The following AGAP1 variants were observed in gnomAD, a reference collection of about 807,000 sequenced individuals.
AGAP1 encodes the protein ArfGAP with GTPase domain, ankyrin repeat and PH domain 1, also known as arf-GAP with GTPase, ANK repeat and PH domain-containing protein 1.
Under a neutral mutation model 105.3 loss-of-function variants are expected in AGAP1, and 29 were observed. That is an observed-to-expected ratio of 0.28 (90% CI 0.21 to 0.38). The LOEUF is 0.38. AGAP1 is among the 10% of genes least tolerant of loss of function. The pLI is 1.00. For missense variants in AGAP1, 998 were observed against 1,165.1 expected (o/e 0.86, Z 2.09); for synonymous variants, 509 against 485.9 (o/e 1.05, Z -0.63).
At chr2:236,074,117 T>C (rs2058576246) in intron 16 of AGAP1, among the ~76,000 whole-genome samples, 1 of 152,006 alleles carries the variant, frequency 6.6e-6, no homozygotes, top group Admixed American at 6.6e-5. Context: ...GAGAGGTTTC[T>C]CCATTGCATA....
chr2:235,710,790 G>C (rs1299668199), intron 2 of AGAP1, among the ~76,000 whole-genome samples: 2 of 152,140 alleles, frequency 1.3e-5, no homozygotes, highest in Non-Finnish European at 2.9e-5. Flanking sequence ...GTTACTTCCT[G>C]TTAAGACAGC....
intron 13 of AGAP1, among the ~76,000 whole-genome samples, chr2:236,026,773 G>C (rs2057069047): frequency 6.6e-6 from 1 of 152,236 alleles, no homozygotes; most frequent in Non-Finnish European, 1.5e-5. Flanking sequence ...ACAAACTGTT[G>C]AGGGATTTCT....
chr2:235,701,125 T>C lies in AGAP1; in HGVS notation c.164-8054T>C, dbSNP rs1950239561. On this transcript the variant is annotated intron_variant, in intron 1 of 17. Coordinates refer to ENST00000304032, the MANE Select transcript of AGAP1 (RefSeq NM_001037131.3). The surrounding 1 kb of genome is among the most constrained non-coding windows in gnomAD (Gnocchi z 4.1). ...AATATAGTTATATGTACATATTATATATTATGTATATATGATATGCTCTAT... is the reference window on the plus strand; with the variant it reads ...AATATAGTTATATGTACATATTATACATTATGTATATATGATATGCTCTAT... Among the ~76,000 whole-genome samples, 1 of 148,036 alleles carries C rather than the reference T, an allele frequency of 6.8e-6. No individual in the cohort carries two copies. The highest frequency in any genetic ancestry group is 1.5e-5 in the Non-Finnish European group (1 of 67,302).
Position 235,882,772 on chromosome 2 carries a change from G to A in AGAP1, c.1051-573G>A, listed in dbSNP as rs530559238. ...TTACAGGCGTGAGCCACCGTGCCCGGCCTGGTTAATGCAGTTTTTTTAGTT... is the reference window on the plus strand; with the variant it reads ...TTACAGGCGTGAGCCACCGTGCCCGACCTGGTTAATGCAGTTTTTTTAGTT... On this transcript the variant is annotated intron_variant, in intron 9 of 17. Coordinates refer to ENST00000304032, the MANE Select transcript of AGAP1 (RefSeq NM_001037131.3). The surrounding 1 kb of genome is among the most constrained non-coding windows in gnomAD (Gnocchi z 4.6). Among the ~76,000 whole-genome samples, 14 of 152,238 alleles carry A rather than the reference G, an allele frequency of 9.2e-5. No homozygotes were observed. The East Asian group carries it at 2.7e-3, about 29-fold the overall frequency.
intron 1 of AGAP1, among the ~76,000 whole-genome samples, chr2:235,526,886 G>C (rs536806857): frequency 7.9e-5 from 12 of 152,260 alleles, no homozygotes; most frequent in Admixed American, 6.5e-4. Flanking sequence ...AAACAAATAG[G>C]AAAGCTTCCA....
chr2:235,541,376 C>CTTTTTTTTTTTTT lies in AGAP1; in HGVS notation c.163+46544_163+46556dup, dbSNP rs556785424. On this transcript the variant is annotated intron_variant, in intron 1 of 17. Coordinates refer to ENST00000304032, the MANE Select transcript of AGAP1 (RefSeq NM_001037131.3). ...ATTATTTCCTTTTTCCATTCTTATT[C>CTTTTTTTTTTTTT]TTTTTTTTTTTTTTTTTTTTTTTTT... is the stretch of plus-strand genomic sequence containing the variant. 5.5e-5 allele frequency among the ~76,000 whole-genome samples: 5 copies of CTTTTTTTTTTTTT among 91,090 alleles called. 1 individual carries two copies. The highest frequency in any genetic ancestry group is 6.3e-4 in the East Asian group (2 of 3,166). 59.8% of individuals were successfully genotyped at this position (91,090 alleles called of 152,430 possible).
intron 13 of AGAP1, among the ~76,000 whole-genome samples, chr2:236,015,920 A>G (rs574792270): frequency 6.6e-6 from 1 of 152,322 alleles, no homozygotes; most frequent in African/African-American, 2.4e-5. Context: ...TCTGTAAACA[A>G]GTCCCTCTCT....
In AGAP1 at chr2:235,577,876, G is replaced by A. The variant is rs745429630; in HGVS notation, c.163+83027G>A. Reference sequence around the variant, plus strand: ...GGGACCTGATAGTTCGCCTTTGTACGGATGAAAAAAACCAAACACTGAGCC... The same window carrying A: ...GGGACCTGATAGTTCGCCTTTGTACAGATGAAAAAAACCAAACACTGAGCC... On this transcript the variant is annotated intron_variant, in intron 1 of 17. Transcript: ENST00000304032. This position sits in a 1 kb window ranked among gnomAD's most constrained non-coding sequence, Gnocchi z 4.5. 2.0e-5 allele frequency among the ~76,000 whole-genome samples: 3 copies of A among 152,032 alleles called. No individual in the cohort carries two copies. The highest frequency in any genetic ancestry group is 4.8e-5 in the African/African-American group (2 of 41,368).
chr2:235,873,343 A>G (rs1036879471), intron 9 of AGAP1, among the ~76,000 whole-genome samples: 3 of 152,210 alleles, frequency 2.0e-5, no homozygotes, highest in Non-Finnish European at 4.4e-5. Flanking sequence ...TCTGATTATG[A>G]CTGCTCCTCT....
chr2:235,785,709 G>A (rs956682657), intron 6 of AGAP1, among the ~76,000 whole-genome samples: 7 of 152,216 alleles, frequency 4.6e-5, no homozygotes, highest in African/African-American at 9.6e-5. Flanking sequence ...AGTCTGGCAC[G>A]CTATCATGTT....
At chr2:235,949,533 A>G (rs565430618) in intron 12 of AGAP1, among the ~76,000 whole-genome samples, 3 of 152,220 alleles carry the variant, frequency 2.0e-5, no homozygotes, top group Non-Finnish European at 2.9e-5. Context: ...TTCACAACTG[A>G]ACAGATCTGC....
chr2:235,853,893 A>T (rs1034115886), intron 9 of AGAP1, among the ~76,000 whole-genome samples: 23 of 151,970 alleles, frequency 1.5e-4, no homozygotes, highest in African/African-American at 5.3e-4. Context: ...GACAGTCCCT[A>T]GTCATTCATT....
At position 235,869,420 on chromosome 2, in the gene AGAP1, T is replaced by TAAAAAAAAA. The variant is rs35813316; in HGVS notation, c.1051-13902_1051-13894dup. ...CAACATGGTGAAACTCCATCTCTAC[T>TAAAAAAAAA]AAAAAAAAAAAAAAAAAAAAAAAAA... On this transcript the variant is annotated intron_variant, in intron 9 of 17. Transcript: ENST00000304032. 5.4e-4 allele frequency among the ~76,000 whole-genome samples: 27 copies of TAAAAAAAAA among 49,958 alleles called. 2 individuals carry two copies. Among genetic ancestry groups the TAAAAAAAAA allele is most frequent in the South Asian group, 1.7e-3 (1 of 602 alleles). The allele number at this position is 49,958 out of a possible 152,430, so 32.8% of individuals were successfully genotyped here. A position where few individuals can be genotyped will look rare whatever the true frequency, so the allele number is the denominator to read the frequency against.
intron 9 of AGAP1, among the ~76,000 whole-genome samples, chr2:235,880,227 G>A (rs2049942930): frequency 6.6e-6 from 1 of 151,998 alleles, no homozygotes; most frequent in Non-Finnish European, 1.5e-5. Flanking sequence ...TTCACTGGGG[G>A]CAGGACAATT....
intron 12 of AGAP1, among the ~76,000 whole-genome samples, chr2:235,932,301 C>T (rs1292454284): frequency 6.6e-6 from 1 of 152,180 alleles, no homozygotes; most frequent in African/African-American, 2.4e-5. Flanking sequence ...CACGTTCTCC[C>T]CTCCCTTACG....
At chr2:235,495,683 G>A (rs1941286774) in intron 1 of AGAP1, among the ~76,000 whole-genome samples, 1 of 152,236 alleles carries the variant, frequency 6.6e-6, no homozygotes, top group Non-Finnish European at 1.5e-5. Flanking sequence ...CCGGGGCTGT[G>A]CCCTCTGGAT....
rs763119559 is a variant in AGAP1, at chr2:236,120,409, C to T, written c.2332C>T (p.Arg778Cys). The change falls in exon 17 of 18, where the codon CGC becomes TGC. Residue 778 changes from arginine to cysteine, a missense_variant. Arg to Cys is a radical substitution (Grantham distance 180). Transcript: ENST00000304032. The surrounding 1 kb of genome is among the most constrained non-coding windows in gnomAD (Gnocchi z 6.0). ...DGRTALHLAC[R>C]KGNVVLAQLL... ...CCGCACGGCGCTGCATCTGGCCTGCCGCAAGGGGAATGTGGTCCTGGCGCA... is the reference window on the plus strand; with the variant it reads ...CCGCACGGCGCTGCATCTGGCCTGCTGCAAGGGGAATGTGGTCCTGGCGCA... The T allele has an allele frequency of 9.9e-6, 16 of 1,611,328 alleles. No homozygotes were observed. In the East Asian group the frequency reaches 2.2e-4, roughly 22 times the overall value.
rs551578687 is a variant in AGAP1, at chr2:236,042,049, T to A, written c.1891+1208T>A. On this transcript the variant is annotated intron_variant, in intron 15 of 17. Coordinates refer to ENST00000304032, the MANE Select transcript of AGAP1 (RefSeq NM_001037131.3). The surrounding 1 kb of genome is among the most constrained non-coding windows in gnomAD (Gnocchi z 5.6). ...TTGGAGTGTGAGTGCCAAGTGAAAC[T>A]TTTTCCAGCTTTGTTCTTCATTTGT... is the stretch of plus-strand genomic sequence containing the variant. 9.7e-4 allele frequency among the ~76,000 whole-genome samples: 147 copies of A among 152,292 alleles called. No individual in the cohort carries two copies. The highest frequency in any genetic ancestry group is 3.5e-3 in the African/African-American group (144 of 41,546).
rs1193608432 is a variant in AGAP1, at chr2:235,733,576, G to A, written c.311-7387G>A. On this transcript the variant is annotated intron_variant, in intron 3 of 17. Coordinates refer to ENST00000304032, the MANE Select transcript of AGAP1 (RefSeq NM_001037131.3). The surrounding 1 kb of genome is among the most constrained non-coding windows in gnomAD (Gnocchi z 5.0). ...GGAGGAAAGGAAATTCAGTTATAGT[G>A]AAGTTCTAATCTGCCATCTTAACCT... 6.6e-6 allele frequency among the ~76,000 whole-genome samples: 1 copy of A among 152,180 alleles called. No homozygotes were observed. The highest frequency in any genetic ancestry group is 2.4e-5 in the African/African-American group (1 of 41,452).
Sources: gnomAD v4.1 joint callset for allele counts (sites outside exome capture counted in the v4.1 genomes callset) on GRCh38, gnomAD v4.1.1 for gene constraint, Gnocchi (gnomAD v3.1) non-coding constraint, MANE v1.5 for transcripts, NCBI Gene and HGNC (gene_info 2026-07-23, HGNC 2026-07-21) for gene names.